The following DNM3 variants were observed in gnomAD, a reference collection of about 807,000 sequenced individuals.
The protein encoded by DNM3 is dynamin 3.
A neutral mutation model predicts 101.6 loss-of-function variants in DNM3; 47 were observed. The ratio of observed to expected loss-of-function variants is 0.46; its 90% confidence interval spans 0.37 to 0.59. The LOEUF is 0.59. Ranked by LOEUF, DNM3 falls within the 20% of genes least tolerant of loss-of-function variation. DNM3 has a pLI of 0.00. For synonymous variants in DNM3, 385 were observed against 387.9 expected (o/e 0.99, Z 0.09); for missense variants, 849 against 1,085.7 (o/e 0.78, Z 3.06).
intron 15 of DNM3, among the ~76,000 whole-genome samples, chr1:172,273,905 G>A (rs866022561): frequency 2.0e-5 from 3 of 152,022 alleles, no homozygotes; most frequent in African/African-American, 4.8e-5. Flanking sequence ...TATGCAATAC[G>A]TGATATAATG....
chr1:172,012,508 T>C (rs561403943), intron 4 of DNM3, among the ~76,000 whole-genome samples: 11 of 152,160 alleles, frequency 7.2e-5, no homozygotes, highest in Admixed American at 3.3e-4. Context: ...TTTAAGTGTA[T>C]GTGGATTCTT....
chr1:172,262,075 G>C (rs35387054), intron 15 of DNM3, among the ~76,000 whole-genome samples: 1 of 152,190 alleles, frequency 6.6e-6, no homozygotes, highest in Non-Finnish European at 1.5e-5. Flanking sequence ...AAAATGCTTA[G>C]GTGAGAGCAG....
intron 17 of DNM3, among the ~76,000 whole-genome samples, chr1:172,344,675 C>T (rs960195119): frequency 6.6e-6 from 1 of 152,168 alleles, no homozygotes; most frequent in Non-Finnish European, 1.5e-5. Flanking sequence ...ATGGCGCCAG[C>T]GGCTGAACCA....
intron 17 of DNM3, 38 bp downstream of exon 17, chr1:172,323,378 C>T (rs1166866300): frequency 3.8e-6 from 6 of 1,599,156 alleles, no homozygotes; most frequent in Non-Finnish European, 5.1e-6. Flanking sequence ...TCTGTCCCCC[C>T]AGCCCCTGCT....
chr1:172,306,639 G>T (rs1216011751), intron 15 of DNM3, among the ~76,000 whole-genome samples: 2 of 152,114 alleles, frequency 1.3e-5, no homozygotes, highest in African/African-American at 2.4e-5. Context: ...ATACTACAAG[G>T]CTACAGTAAG....
intron 14 of DNM3, among the ~76,000 whole-genome samples, chr1:172,230,137 A>AT (rs1269743298): frequency 6.6e-6 from 1 of 151,750 alleles, no homozygotes; most frequent in African/African-American, 2.4e-5. Flanking sequence ...TGTTTGGCCT[A>AT]TATTCTGAGA....
At chr1:172,010,907 T>G (rs2047083164) in intron 4 of DNM3, among the ~76,000 whole-genome samples, 1 of 151,924 alleles carries the variant, frequency 6.6e-6, no homozygotes, top group South Asian at 2.1e-4. Flanking sequence ...AGGATTCTAT[T>G]GACAGATATT....
intron 1 of DNM3, among the ~76,000 whole-genome samples, chr1:171,906,578 T>A (rs532362835): frequency 3.0e-4 from 46 of 152,320 alleles, no homozygotes; most frequent in Admixed American, 1.3e-3. Context: ...GAAATAATCT[T>A]GAGTCTACTA....
intron 15 of DNM3, among the ~76,000 whole-genome samples, chr1:172,306,380 G>A (rs1032797728): frequency 6.6e-6 from 1 of 152,076 alleles, no homozygotes; most frequent in Non-Finnish European, 1.5e-5. Context: ...AATAAAAGAG[G>A]ACACAAACAA....
chr1:171,853,925 C>T (rs548248092), intron 1 of DNM3, among the ~76,000 whole-genome samples: 2 of 152,200 alleles, frequency 1.3e-5, no homozygotes, highest in Non-Finnish European at 2.9e-5. Flanking sequence ...TTCCACTCCT[C>T]CCAGAGGTAT....
At chr1:172,049,876 ATAG>A (rs1558484977) in intron 10 of DNM3, among the ~76,000 whole-genome samples, 1 of 152,180 alleles carries the variant, frequency 6.6e-6, no homozygotes, top group Admixed American at 6.5e-5. Flanking sequence ...ACAGATGTAC[ATAG>A]TAGAAGAGGC....
At chr1:171,961,439 G>A (rs1278011092) in intron 2 of DNM3, among the ~76,000 whole-genome samples, 2 of 152,118 alleles carry the variant, frequency 1.3e-5, no homozygotes, top group East Asian at 3.9e-4. Context: ...AAGTACAATA[G>A]AAAATAATAA....
At chr1:171,979,750 T>A (rs16843654) in intron 2 of DNM3, among the ~76,000 whole-genome samples, 3,280 of 152,294 alleles carry the variant, frequency 0.022, 103 homozygotes, top group African/African-American at 0.075. Context: ...AGAAGAAAAC[T>A]GTAAAGGCTA....
intron 11 of DNM3, among the ~76,000 whole-genome samples, chr1:172,074,374 G>T (rs1418523166): frequency 6.6e-6 from 1 of 152,066 alleles, no homozygotes; most frequent in Admixed American, 6.6e-5. Context: ...GTGCAGGTTT[G>T]TTACATAGGT....
At chr1:172,086,315 G>A (rs1013910724) in intron 12 of DNM3, among the ~76,000 whole-genome samples, 1 of 152,144 alleles carries the variant, frequency 6.6e-6, no homozygotes, top group Non-Finnish European at 1.5e-5. Flanking sequence ...CTGATTGGAC[G>A]GAGCCTGGAC....
chr1:171,904,465 T>TA (rs897424251), intron 1 of DNM3, among the ~76,000 whole-genome samples: 1 of 152,188 alleles, frequency 6.6e-6, no homozygotes, highest in Non-Finnish European at 1.5e-5. Flanking sequence ...GGAAGGTAAA[T>TA]AGGCTCTTGG....
intron 14 of DNM3, among the ~76,000 whole-genome samples, chr1:172,181,153 T>A (rs1262862255): frequency 1.3e-5 from 2 of 152,054 alleles, no homozygotes; most frequent in African/African-American, 4.8e-5. Flanking sequence ...TTGCAAAACA[T>A]CTTTTAAAAT....
intron 9 of DNM3, among the ~76,000 whole-genome samples, chr1:172,046,562 A>T (rs564114383): frequency 2.1e-5 from 3 of 140,560 alleles, no homozygotes; most frequent in African/African-American, 5.6e-5. Flanking sequence ...TAATAATAAT[A>T]AAAAAAAGAA....
intron 13 of DNM3, among the ~76,000 whole-genome samples, chr1:172,130,556 T>G (rs1416878838): frequency 6.6e-6 from 1 of 152,224 alleles, no homozygotes; most frequent in Non-Finnish European, 1.5e-5. Flanking sequence ...GATTTAAACT[T>G]CATAGGTTTA....
Sources: allele counts gnomAD v4.1 joint callset (sites outside exome capture counted in the v4.1 genomes callset), GRCh38; gene constraint gnomAD v4.1.1; transcripts MANE v1.5; gene names NCBI Gene and HGNC (gene_info 2026-07-23, HGNC 2026-07-21).